The following HS6ST3 variants were observed in gnomAD, a reference collection of about 807,000 sequenced individuals.
HS6ST3 encodes heparan sulfate 6-O-sulfotransferase 3.
A neutral mutation model predicts 36.7 loss-of-function variants in HS6ST3; 12 were observed. That is an observed-to-expected ratio of 0.33 (90% CI 0.21 to 0.53). The LOEUF (loss-of-function observed/expected upper bound fraction) is 0.53. Among genes scored for constraint, HS6ST3 ranks in the 20% least tolerant of loss-of-function variants. The probability of loss-of-function intolerance (pLI) is 0.95; values close to 1 mark genes in which losing one functional copy is unlikely to be tolerated. For synonymous variants in HS6ST3, 240 were observed against 257.5 expected, an observed-to-expected ratio of 0.93 and a Z score of 0.65; for missense variants, 584 against 640.9, an observed-to-expected ratio of 0.91 and a Z score of 0.96.
intron 1 of HS6ST3, among the ~76,000 whole-genome samples, chr13:96,813,441 C>A (rs188117366): frequency 6.6e-6 from 1 of 152,168 alleles, no homozygotes; most frequent in Non-Finnish European, 1.5e-5. Context: ...ACAGCCTCCC[C>A]ACTGGGGTTC....
chr13:96,183,688 C>T (rs546588751), intron 1 of HS6ST3, among the ~76,000 whole-genome samples: 1 of 152,146 alleles, frequency 6.6e-6, no homozygotes, highest in South Asian at 2.1e-4. Flanking sequence ...AAGACAGATA[C>T]CGAATGATTC....
chr13:96,398,248 G>A (rs990367094), intron 1 of HS6ST3, among the ~76,000 whole-genome samples: 4 of 152,016 alleles, frequency 2.6e-5, no homozygotes, highest in African/African-American at 7.2e-5. Context: ...ATCCTGCCTT[G>A]TCTCATTTTA....
chr13:96,599,641 GT>G (rs1040575106), intron 1 of HS6ST3, among the ~76,000 whole-genome samples: 2 of 151,172 alleles, frequency 1.3e-5, no homozygotes, highest in African/African-American at 4.8e-5. Context: ...TTTACTGCTG[GT>G]CTCATCTTTG....
intron 1 of HS6ST3, among the ~76,000 whole-genome samples, chr13:96,248,199 T>C (rs912258815): frequency 6.6e-6 from 1 of 152,208 alleles, no homozygotes; most frequent in Non-Finnish European, 1.5e-5. Flanking sequence ...TACATGCCTG[T>C]ACCAACAAAA....
At chr13:96,392,393 C>G (rs1371278953) in intron 1 of HS6ST3, among the ~76,000 whole-genome samples, 1 of 152,150 alleles carries the variant, frequency 6.6e-6, no homozygotes, top group Non-Finnish European at 1.5e-5. Flanking sequence ...AGGCCCCTGT[C>G]CTAACAGAGC....
chr13:96,593,317 G>A (rs2056390212), intron 1 of HS6ST3, among the ~76,000 whole-genome samples: 1 of 147,726 alleles, frequency 6.8e-6, no homozygotes, highest in Non-Finnish European at 1.5e-5. Context: ...CCGAGTACCT[G>A]GGATTACAGG....
chr13:96,374,759 C>A (rs2055306663), intron 1 of HS6ST3, among the ~76,000 whole-genome samples: 1 of 152,084 alleles, frequency 6.6e-6, no homozygotes, highest in African/African-American at 2.4e-5. Context: ...CCTCACTGAC[C>A]CCTCTGTCCC....
intron 1 of HS6ST3, among the ~76,000 whole-genome samples, chr13:96,339,426 C>T (rs2055119019): frequency 6.6e-6 from 1 of 152,124 alleles, no homozygotes; most frequent in Non-Finnish European, 1.5e-5. Context: ...ATATTCTTCT[C>T]ATGAAGCTTT....
chr13:96,215,057 C>T (rs1248961849), intron 1 of HS6ST3, among the ~76,000 whole-genome samples: 1 of 152,140 alleles, frequency 6.6e-6, no homozygotes, highest in Non-Finnish European at 1.5e-5. Flanking sequence ...GTCGTCAAAC[C>T]ACAGGGGTGT....
chr13:96,617,022 C>T (rs992813308), intron 1 of HS6ST3, among the ~76,000 whole-genome samples: 24 of 152,240 alleles, frequency 1.6e-4, no homozygotes, highest in Middle Eastern at 3.4e-3. Flanking sequence ...TGAAGCCTTC[C>T]GAACCTTAAT....
chr13:96,414,628 G>A lies in HS6ST3; in HGVS notation c.707+323059G>A, dbSNP rs146475877. 3.4e-3 allele frequency among the ~76,000 whole-genome samples: 510 copies of A among 152,052 alleles called. 3 individuals carry two copies. The highest frequency in any genetic ancestry group is 0.012 in the African/African-American group (480 of 41,484). On this transcript the variant is annotated intron_variant, in intron 1 of 1. Coordinates refer to ENST00000376705, the MANE Select transcript of HS6ST3 (RefSeq NM_153456.4). ...CTCCTGAGTAGCTGGGATTACTGGCGCCTGCCACCATGCCTGGCTAATTCT... is the reference window on the plus strand; with the variant it reads ...CTCCTGAGTAGCTGGGATTACTGGCACCTGCCACCATGCCTGGCTAATTCT...
intron 1 of HS6ST3, among the ~76,000 whole-genome samples, chr13:96,473,365 G>A (rs1447271328): frequency 2.6e-5 from 4 of 152,168 alleles, no homozygotes; most frequent in South Asian, 2.1e-4. Context: ...CTGAGCTCTC[G>A]TGCCAACCTT....
At chr13:96,489,375 AACACACACACACAC>A (rs67334904) in intron 1 of HS6ST3, among the ~76,000 whole-genome samples, 11 of 147,992 alleles carry the variant, frequency 7.4e-5, no homozygotes, top group African/African-American at 2.5e-4. Flanking sequence ...TGTATATACA[AACACACACACACAC>A]ACACACACAC....
intron 1 of HS6ST3, among the ~76,000 whole-genome samples, chr13:96,154,204 G>A (rs1444922824): frequency 1.3e-5 from 2 of 151,948 alleles, no homozygotes; most frequent in African/African-American, 4.8e-5. Flanking sequence ...GTTTTAGAGT[G>A]GCAGACTCAT....
At chr13:96,454,247 A>G (rs567881633) in intron 1 of HS6ST3, among the ~76,000 whole-genome samples, 30 of 152,170 alleles carry the variant, frequency 2.0e-4, no homozygotes, top group Non-Finnish European at 4.0e-4. Context: ...GTTCTGGGCC[A>G]TCAGTGAAAT....
intron 1 of HS6ST3, among the ~76,000 whole-genome samples, chr13:96,552,562 C>T (rs2056223473): frequency 6.6e-6 from 1 of 152,178 alleles, no homozygotes; most frequent in South Asian, 2.1e-4. Context: ...CATCCTGCTG[C>T]CCGCTCTTGA....
chr13:96,730,456 T>C (rs1464669145), intron 1 of HS6ST3, among the ~76,000 whole-genome samples: 1 of 152,206 alleles, frequency 6.6e-6, no homozygotes, highest in Non-Finnish European at 1.5e-5. Flanking sequence ...GGTCAGCCAT[T>C]GGCTTTATTC....
At chr13:96,673,875 T>C (rs939777806) in intron 1 of HS6ST3, among the ~76,000 whole-genome samples, 6 of 152,200 alleles carry the variant, frequency 3.9e-5, no homozygotes, top group African/African-American at 9.6e-5. Flanking sequence ...TTGAACTTTC[T>C]GTATCATCTT....
intron 1 of HS6ST3, among the ~76,000 whole-genome samples, chr13:96,537,793 A>T (rs552994031): frequency 6.6e-6 from 1 of 152,210 alleles, no homozygotes; most frequent in Non-Finnish European, 1.5e-5. Context: ...GGACTGATAC[A>T]TTTTTGATGG....
Sources: allele counts gnomAD v4.1 joint callset (sites outside exome capture counted in the v4.1 genomes callset), GRCh38; gene constraint gnomAD v4.1.1; transcripts MANE v1.5; gene names NCBI Gene and HGNC (gene_info 2026-07-23, HGNC 2026-07-21).